Variants in PCDH15 observed in about 807,000 individuals in gnomAD.
The protein encoded by PCDH15 is protocadherin-15.
A neutral mutation model predicts 178.5 loss-of-function variants in PCDH15; 129 were observed. The observed-to-expected ratio is 0.72, with a 90% CI of 0.63 to 0.84. The LOEUF is 0.84. Ranked by LOEUF, PCDH15 falls within the 40% of genes least tolerant of loss-of-function variation. The pLI is 0.00. For synonymous variants in PCDH15, 800 were observed against 732.0 expected (o/e 1.09, Z -1.50); for missense variants, 2,230 against 2,099.9 (o/e 1.06, Z -1.21).
In PCDH15 at chr10:53,827,492, T is replaced by C; in HGVS notation, c.4268A>G (p.Lys1423Arg). The change falls in exon 32 of 38, where the codon AAA becomes AGA. Residue 1423 changes from lysine to arginine, a missense_variant. Coordinates refer to ENST00000644397, the MANE Select transcript of PCDH15 (RefSeq NM_001384140.1). ...TGGTGCAGGAGCCGGCACTGCTGGT[T>C]TAGCCGCGGGTAATGCGGCCTGAAT... ...ARIQAALPAA[K>R]PAVPAPAPVA... The C allele has an allele frequency of 6.2e-7, 1 of 1,614,110 alleles. No homozygotes were observed. The highest frequency in any genetic ancestry group is 8.5e-7 in the Non-Finnish European group (1 of 1,179,954).
In PCDH15 at chr10:54,471,662, T is replaced by TA. The variant is rs1646832133; in HGVS notation, c.157+56149dup. On this transcript the variant is annotated intron_variant, in intron 3 of 37. Coordinates refer to ENST00000644397, the MANE Select transcript of PCDH15 (RefSeq NM_001384140.1). ...TATTTATATTTTTTGATTTTTTTTT[T>TA]ACTATAGAATATAGTTTCCTGCATA... Among the ~76,000 whole-genome samples, 4 of 151,666 alleles carry TA rather than the reference T, an allele frequency of 2.6e-5. No homozygotes were observed. In the South Asian group the frequency reaches 6.2e-4, roughly 24 times the overall value.
chr10:55,484,710 G>T (rs1840260442), intron 2 of PCDH15, among the ~76,000 whole-genome samples: 1 of 151,498 alleles, frequency 6.6e-6, no homozygotes, highest in Admixed American at 6.6e-5. Context: ...AAACAGAATA[G>T]GGAACCCAGA....
chr10:54,925,090 A>G (rs2131847379), intron 2 of PCDH15, among the ~76,000 whole-genome samples: 1 of 152,250 alleles, frequency 6.6e-6, no homozygotes, highest in Admixed American at 6.5e-5. Flanking sequence ...TTCTATATTT[A>G]AGTTTTTAAT....
chr10:53,878,273 TAC>T (rs1175731591), intron 26 of PCDH15, among the ~76,000 whole-genome samples: 117 of 135,992 alleles, frequency 8.6e-4, no homozygotes, highest in African/African-American at 3.3e-3. Flanking sequence ...AACTATGGCA[TAC>T]ACACACACAC....
chr10:54,478,827 T>C lies in PCDH15; in HGVS notation c.157+48985A>G, dbSNP rs552843954. Among the ~76,000 whole-genome samples, 27 of 152,132 alleles carry C rather than the reference T, an allele frequency of 1.8e-4. No individual in the cohort carries two copies. In the South Asian group the frequency reaches 2.5e-3, roughly 14 times the overall value. ...CTGCGGTAAAAAAAATCTGTGCAAA[T>C]GGCATGTTATAAAATTAAATGGTAA... On this transcript the variant is annotated intron_variant, in intron 3 of 37. Transcript: ENST00000644397.
intron 20 of PCDH15, among the ~76,000 whole-genome samples, chr10:54,015,377 G>A (rs2660140): frequency 0.76 from 116,015 of 151,882 alleles, 44,563 homozygotes; most frequent in Middle Eastern, 0.86. Flanking sequence ...ACTACCAAAG[G>A]CATTATTCAC....
intron 5 of PCDH15, among the ~76,000 whole-genome samples, chr10:54,360,818 T>G (rs915932943): frequency 1.3e-5 from 2 of 152,058 alleles, no homozygotes; most frequent in African/African-American, 4.8e-5. Flanking sequence ...CTTACAAAGT[T>G]TGAATAGAAT....
intron 3 of PCDH15, among the ~76,000 whole-genome samples, chr10:54,412,323 T>C (rs1049154479): frequency 1.3e-5 from 2 of 151,672 alleles, no homozygotes; most frequent in African/African-American, 2.4e-5. Flanking sequence ...CTTCCACCTT[T>C]GTATGTTTGC....
intron 1 of PCDH15, among the ~76,000 whole-genome samples, chr10:55,235,394 T>A (rs1411140275): frequency 6.6e-6 from 1 of 152,166 alleles, no homozygotes; most frequent in African/African-American, 2.4e-5. Context: ...CCAAGCTGTC[T>A]TTGTACTTTA....
At position 54,219,835 on chromosome 10, in the gene PCDH15, C is replaced by T. The variant is rs79012621; in HGVS notation, c.986-5787G>A. Among the ~76,000 whole-genome samples, 1,457 of 151,778 alleles carry T rather than the reference C, an allele frequency of 9.6e-3. 20 individuals are homozygous for T. Among genetic ancestry groups the T allele is most frequent in the African/African-American group, 0.03 (1,262 of 41,416 alleles). On this transcript the variant is annotated intron_variant, in intron 9 of 37. Transcript: ENST00000644397. ...TTTGTGCTATGATATTGTCAGAATGCTCTAAAAATAGTTATTTTATAAGCA... is the reference window on the plus strand; with the variant it reads ...TTTGTGCTATGATATTGTCAGAATGTTCTAAAAATAGTTATTTTATAAGCA...
At chr10:55,364,302 G>A (rs1227159995) in intron 2 of PCDH15, among the ~76,000 whole-genome samples, 2 of 152,062 alleles carry the variant, frequency 1.3e-5, no homozygotes, top group Non-Finnish European at 2.9e-5. Flanking sequence ...AAGCAAAACG[G>A]ATTAATACAT....
chr10:53,942,355 C>T (rs1352506801), intron 23 of PCDH15, among the ~76,000 whole-genome samples: 3 of 152,148 alleles, frequency 2.0e-5, no homozygotes. Flanking sequence ...CTTTCCTTCT[C>T]TGTACAAGTG....
chr10:55,225,218 C>A lies in PCDH15; in HGVS notation c.-155-58567G>T, dbSNP rs372176473. 7.2e-5 allele frequency among the ~76,000 whole-genome samples: 11 copies of A among 152,128 alleles called. No homozygotes were observed. The East Asian group carries it at 1.7e-3, about 24-fold the overall frequency. On this transcript the variant is annotated intron_variant, in intron 1 of 5. Coordinates refer to the PCDH15 transcript ENST00000458638. The stretch of plus-strand genomic sequence containing the variant: ...TAACAAATAAATGAACAAGCAACAT[C>A]TAATTTCCCCAACTGATAGATGAAC...
At chr10:55,031,063 G>T (rs960692675) in intron 2 of PCDH15, among the ~76,000 whole-genome samples, 5 of 151,904 alleles carry the variant, frequency 3.3e-5, no homozygotes, top group Non-Finnish European at 7.4e-5. Context: ...CCTAGTGAAA[G>T]TCCTTTATCC....
chr10:54,000,379 C>T (rs1400178340), intron 20 of PCDH15, among the ~76,000 whole-genome samples: 1 of 151,970 alleles, frequency 6.6e-6, no homozygotes, highest in African/African-American at 2.4e-5. Flanking sequence ...AGAGAGTGAT[C>T]TTTCAGACAG....
intron 8 of PCDH15, among the ~76,000 whole-genome samples, chr10:54,307,146 ATAT>A (rs2060610725): frequency 9.9e-6 from 1 of 100,798 alleles, no homozygotes; most frequent in African/African-American, 3.6e-5. Flanking sequence ...ATATATATAT[ATAT>A]AAAATTGCTT....
At chr10:55,532,765 G>C (rs1841482070) in intron 2 of PCDH15, among the ~76,000 whole-genome samples, 1 of 151,966 alleles carries the variant, frequency 6.6e-6, no homozygotes, top group Non-Finnish European at 1.5e-5. Context: ...TGCACATCAG[G>C]CTGTATACAT....
At chr10:54,278,123 C>T (rs140563272) in intron 8 of PCDH15, among the ~76,000 whole-genome samples, 84 of 151,490 alleles carry the variant, frequency 5.5e-4, no homozygotes, top group African/African-American at 2.0e-3. Context: ...TAATATTAAC[C>T]TCTTTTGTGT....
intron 15 of PCDH15, among the ~76,000 whole-genome samples, chr10:54,120,507 T>C (rs11498091): frequency 0.029 from 4,456 of 152,214 alleles, 240 homozygotes; most frequent in African/African-American, 0.1. Context: ...AAGATCCATA[T>C]GGCTGCTGTC....
Sources: gnomAD v4.1 joint callset for allele counts (sites outside exome capture counted in the v4.1 genomes callset) on GRCh38, gnomAD v4.1.1 for gene constraint, MANE v1.5 for transcripts, NCBI Gene and HGNC (gene_info 2026-07-23, HGNC 2026-07-21) for gene names.